The following ESR1 variants were observed in gnomAD, a reference collection of about 807,000 sequenced individuals.
The protein encoded by ESR1 is estrogen receptor 1.
Under a neutral mutation model 52.7 loss-of-function variants are expected in ESR1, and 12 were observed. That is an observed-to-expected ratio of 0.23 (90% CI 0.15 to 0.37). ESR1 has a LOEUF of 0.37. Ranked by LOEUF, ESR1 falls within the 10% of genes least tolerant of loss-of-function variation. ESR1 has a pLI of 1.00. For synonymous variants in ESR1, 305 were observed against 316.8 expected (o/e 0.96, Z 0.39); for missense variants, 584 against 779.7 (o/e 0.75, Z 2.99).
upstream of ESR1, among the ~76,000 whole-genome samples, chr6:151,806,526 A>ATATGTATG (rs1342961519): frequency 2.9e-5 from 3 of 104,574 alleles, no homozygotes; most frequent in African/African-American, 1.2e-4. Context: ...TGTCTCCTTA[A>ATATGTATG]TATGTATATA....
Position 151,926,605 on chromosome 6 carries a change from C to T in ESR1, c.761-17568C>T, listed in dbSNP as rs1584270765. Among the ~76,000 whole-genome samples the T allele has an allele frequency of 1.3e-5, 2 of 152,038 alleles. 1 individual carries two copies. The highest frequency in any genetic ancestry group is 1.3e-4 in the Admixed American group (2 of 15,276). ...AATTTATATCTTAGTATTGAATGTA[C>T]TATTATAAATGGTATTTTCTAAACT... On this transcript the variant is annotated intron_variant, in intron 3 of 7. Coordinates refer to ENST00000206249, the MANE Select transcript of ESR1 (RefSeq NM_000125.4).
intron 4 of ESR1, among the ~76,000 whole-genome samples, chr6:152,000,834 C>G (rs1391961818): frequency 6.6e-6 from 1 of 151,894 alleles, no homozygotes; most frequent in Admixed American, 6.6e-5. Flanking sequence ...TCATTTGTAA[C>G]CTAAAATACT....
rs376043926 is a variant in ESR1, at chr6:151,769,201, C to T, written c.-70-38642C>T. On this transcript the variant is annotated intron_variant, in intron 2 of 2. Coordinates refer to the ESR1 transcript ENST00000404742. ...GACTTGGAAGTCTACTTCTGCCAGG[C>T]ATCTCTCCACGCTGGCTTCTGGGCC... Among the ~76,000 whole-genome samples the T allele has an allele frequency of 2.0e-5, 3 of 152,298 alleles. No homozygotes were observed. The East Asian group carries it at 5.8e-4, about 29-fold the overall frequency.
At chr6:151,714,701 G>A (rs11756754) in intron 2 of ESR1, among the ~76,000 whole-genome samples, 18,058 of 151,546 alleles carry the variant, frequency 0.12, 1,409 homozygotes, top group East Asian at 0.42. Flanking sequence ...TAAATCTTCC[G>A]CCATTCCTTT....
At chr6:151,670,808 G>A (rs913548583) in intron 1 of ESR1, among the ~76,000 whole-genome samples, 20 of 120,412 alleles carry the variant, frequency 1.7e-4, no homozygotes, top group African/African-American at 6.3e-4. Flanking sequence ...CACTCTTGTC[G>A]CCCAGGCTGG....
intron 4 of ESR1, among the ~76,000 whole-genome samples, chr6:151,987,417 C>T (rs1444539115): frequency 6.6e-6 from 1 of 152,102 alleles, no homozygotes; most frequent in Non-Finnish European, 1.5e-5. Flanking sequence ...TGTCACCACA[C>T]CCAGCTAATT....
At chr6:151,970,542 A>G (rs886631233) in intron 4 of ESR1, among the ~76,000 whole-genome samples, 2 of 152,180 alleles carry the variant, frequency 1.3e-5, no homozygotes, top group African/African-American at 4.8e-5. Context: ...TCAGTTAACT[A>G]AAGAAATGCT....
chr6:151,829,149 C>A (rs1781979527), intron 1 of ESR1, among the ~76,000 whole-genome samples: 2 of 152,190 alleles, frequency 1.3e-5, no homozygotes, highest in South Asian at 4.1e-4. Flanking sequence ...CTCTTTTATT[C>A]CAGAATCACT....
At chr6:152,128,486 T>C (rs928552718) in exon 7 of ESR1, 1 of 152,218 alleles carries the variant, frequency 6.6e-6, no homozygotes, top group African/African-American at 2.4e-5. Context: ...TTTAAAATAC[T>C]GTATGAAGAT....
chr6:151,692,379 G>A (rs549897965), intron 1 of ESR1, among the ~76,000 whole-genome samples: 3 of 152,260 alleles, frequency 2.0e-5, no homozygotes, highest in South Asian at 2.1e-4. Context: ...CAGAACAATC[G>A]CTTGGGCTGA....
chr6:151,735,882 A>G lies in ESR1; in HGVS notation c.-71+33877A>G, dbSNP rs1184390657. ...GGCAATTCCCCCATGCTGTTGTCAT[A>G]ATAGTGAGTGAGTTATCATGACGTC... On this transcript the variant is annotated intron_variant, in intron 2 of 2. Coordinates refer to the ESR1 transcript ENST00000404742. 2.6e-5 allele frequency among the ~76,000 whole-genome samples: 4 copies of G among 152,084 alleles called. No individual in the cohort carries two copies. In the East Asian group the frequency reaches 7.7e-4, roughly 29 times the overall value.
intron 4 of ESR1, among the ~76,000 whole-genome samples, chr6:152,005,673 C>A (rs1430254536): frequency 6.6e-6 from 1 of 151,934 alleles, no homozygotes; most frequent in Non-Finnish European, 1.5e-5. Flanking sequence ...AAGTGGTAGG[C>A]CAGTCCATCT....
intron 3 of ESR1, among the ~76,000 whole-genome samples, chr6:151,886,659 C>T (rs952883066): frequency 2.0e-5 from 3 of 152,202 alleles, no homozygotes; most frequent in African/African-American, 7.2e-5. Flanking sequence ...TATGAGTTAT[C>T]GTAATTTGCT....
chr6:151,665,477 G>T (rs1777788439), intron 1 of ESR1, among the ~76,000 whole-genome samples: 1 of 152,180 alleles, frequency 6.6e-6, no homozygotes, highest in African/African-American at 2.4e-5. Flanking sequence ...GAACTCCAAA[G>T]CTGGAAGCCA....
chr6:152,120,819 G>T (rs1447112362), intron 6 of ESR1, among the ~76,000 whole-genome samples: 1 of 152,302 alleles, frequency 6.6e-6, no homozygotes, highest in East Asian at 1.9e-4. Flanking sequence ...CAGACTACCT[G>T]CATTATGGAA....
At chr6:152,036,783 A>G (rs1277644516) in intron 5 of ESR1, among the ~76,000 whole-genome samples, 10 of 152,188 alleles carry the variant, frequency 6.6e-5, no homozygotes, top group Non-Finnish European at 8.8e-5. Context: ...GCATTTCAAT[A>G]AAGTGTGGAT....
chr6:151,758,103 T>C (rs1228033248), intron 2 of ESR1, among the ~76,000 whole-genome samples: 1 of 152,242 alleles, frequency 6.6e-6, no homozygotes, highest in Non-Finnish European at 1.5e-5. Context: ...AGTTTCATGG[T>C]CTTGCTGTTC....
At chr6:152,065,973 G>A (rs2047934362) in intron 6 of ESR1, among the ~76,000 whole-genome samples, 1 of 152,202 alleles carries the variant, frequency 6.6e-6, no homozygotes, top group African/African-American at 2.4e-5. Context: ...AAAGAATTAT[G>A]GCAACATCTC....
exon 7 of ESR1, chr6:152,126,820 TA>T (rs2053617995): frequency 6.6e-6 from 1 of 152,176 alleles, no homozygotes; most frequent in Non-Finnish European, 1.5e-5. Flanking sequence ...GCCATGCACA[TA>T]GGGTATGACT....
Sources: gnomAD v4.1 joint callset for allele counts (sites outside exome capture counted in the v4.1 genomes callset) on GRCh38, gnomAD v4.1.1 for gene constraint, MANE v1.5 for transcripts, NCBI Gene and HGNC (gene_info 2026-07-23, HGNC 2026-07-21) for gene names.